The following ANKS1A variants were observed in gnomAD, a reference collection of about 807,000 sequenced individuals.
ANKS1A encodes the protein ankyrin repeat and sterile alpha motif domain containing 1A, also known as ankyrin repeat and SAM domain-containing protein 1A.
In ANKS1A, 55 loss-of-function variants were observed where a neutral mutation model predicts 120.3. The observed-to-expected ratio is 0.46, with a 90% CI of 0.37 to 0.57. The LOEUF is 0.57. Among genes scored for constraint, ANKS1A ranks in the 20% least tolerant of loss-of-function variants. ANKS1A has a pLI of 0.00. For missense variants in ANKS1A, 1,123 were observed against 1,480.3 expected, an observed-to-expected ratio of 0.76 and a Z score of 3.96; for synonymous variants, 590 against 604.7, an observed-to-expected ratio of 0.98 and a Z score of 0.36.
chr6:34,976,912 C>T (rs1771629625), intron 3 of ANKS1A, among the ~76,000 whole-genome samples: 1 of 152,062 alleles, frequency 6.6e-6, no homozygotes, highest in South Asian at 2.1e-4. Context: ...ACCTAAATCT[C>T]CTAAGAACAA....
chr6:34,914,248 A>G (rs1768049931), intron 1 of ANKS1A, among the ~76,000 whole-genome samples: 3 of 152,238 alleles, frequency 2.0e-5, no homozygotes. Flanking sequence ...AAATTGATCA[A>G]TCAGGAAGCA....
At position 35,050,727 on chromosome 6, in the gene ANKS1A, C is replaced by T. The variant is rs1183543479; in HGVS notation, c.2011-3372C>T. On this transcript the variant is annotated intron_variant, in intron 11 of 23. Coordinates refer to ENST00000360359, the MANE Select transcript of ANKS1A (RefSeq NM_015245.3). This position sits in a 1 kb window ranked among gnomAD's most constrained non-coding sequence, Gnocchi z 4.3. ...TCAGGCTGAGGGCTTGGGCAGACCA[C>T]AGCTCCAGACACTCTGTGGTGCCAG... Among the ~76,000 whole-genome samples the T allele has an allele frequency of 6.6e-6, 1 of 152,210 alleles. No homozygotes were observed. The highest frequency in any genetic ancestry group is 1.5e-5 in the Non-Finnish European group (1 of 68,024).
At chr6:34,949,543 T>C (rs1769966370) in intron 1 of ANKS1A, among the ~76,000 whole-genome samples, 2 of 152,234 alleles carry the variant, frequency 1.3e-5, no homozygotes, top group African/African-American at 4.8e-5. Flanking sequence ...TTTTGGAGGT[T>C]ATTTCAAGAG....
At chr6:35,020,441 C>A (rs1774275264) in intron 11 of ANKS1A, among the ~76,000 whole-genome samples, 1 of 152,142 alleles carries the variant, frequency 6.6e-6, no homozygotes, top group Non-Finnish European at 1.5e-5. Flanking sequence ...GTTCTGGAAC[C>A]AATCCCTAGT....
At chr6:35,008,191 A>C (rs1773559426) in intron 10 of ANKS1A, among the ~76,000 whole-genome samples, 1 of 151,728 alleles carries the variant, frequency 6.6e-6, no homozygotes, top group Non-Finnish European at 1.5e-5. Context: ...ATTAAGCCTT[A>C]ACTTCAGCAG....
rs1776977963 is a variant in ANKS1A, at chr6:35,069,685, T to C, written c.2185-8873T>C. On this transcript the variant is annotated intron_variant, in intron 13 of 23. Transcript: ENST00000360359. The stretch of plus-strand genomic sequence containing the variant: ...TCTCCCAAATAGCTGGAACTACAGG[T>C]ACACACCACCCTACCTGGCTAATAT... 2.7e-5 allele frequency among the ~76,000 whole-genome samples: 4 copies of C among 150,332 alleles called. No individual in the cohort carries two copies. The Admixed American group carries it at 2.7e-4, about 10-fold the overall frequency.
Position 35,091,313 on chromosome 6 carries a change from T to C in ANKS1A, c.*2704T>C, listed in dbSNP as rs913396841. The C allele has an allele frequency of 3.9e-5, 38 of 985,678 alleles. No individual in the cohort carries two copies. In the African/African-American group the frequency reaches 6.1e-4, roughly 16 times the overall value. 61.1% of individuals were successfully genotyped at this position (985,678 alleles called of 1,614,324 possible). ...ACCTCAGTACCCAAGAGAGTGTAAA[T>C]ATTTCTGGGCTTCCAGCTTTGGTTT... is the stretch of plus-strand genomic sequence containing the variant. On this transcript the variant is annotated 3_prime_UTR_variant, in exon 24 of 24. Coordinates refer to ENST00000360359, the MANE Select transcript of ANKS1A (RefSeq NM_015245.3).
At chr6:35,065,190 C>T (rs1314324740) in intron 13 of ANKS1A, among the ~76,000 whole-genome samples, 2 of 151,558 alleles carry the variant, frequency 1.3e-5, no homozygotes, top group Non-Finnish European at 2.9e-5. Flanking sequence ...GGCCTATTTC[C>T]AGCGAGTGCA....
intron 13 of ANKS1A, chr6:35,071,023 G>T: frequency 2.0e-6 from 1 of 502,178 alleles, no homozygotes; most frequent in Middle Eastern, 6.5e-4. Flanking sequence ...GTTTCTTGTT[G>T]TCATCAACCT....
intron 13 of ANKS1A, chr6:35,071,196 C>T (rs901986737): frequency 8.4e-6 from 2 of 237,386 alleles, no homozygotes; most frequent in Non-Finnish European, 1.6e-5. Context: ...CCAGACTGAA[C>T]CAGTGCATAC....
At chr6:34,989,165 CA>C in intron 8 of ANKS1A, 58 bp from the exon 9 acceptor site, 1 of 1,567,130 alleles carries the variant, frequency 6.4e-7, no homozygotes, top group Non-Finnish European at 8.7e-7. Flanking sequence ...GAGGGCAAAC[CA>C]AAAAATTAGA....
At chr6:34,906,291 T>C (rs1767643769) in intron 1 of ANKS1A, among the ~76,000 whole-genome samples, 1 of 152,214 alleles carries the variant, frequency 6.6e-6, no homozygotes, top group Non-Finnish European at 1.5e-5. Flanking sequence ...TGCCAGGAAC[T>C]GTGCAAGGCC....
At chr6:34,957,066 C>T (rs771186433) in intron 1 of ANKS1A, among the ~76,000 whole-genome samples, 11 of 152,226 alleles carry the variant, frequency 7.2e-5, no homozygotes, top group Non-Finnish European at 1.3e-4. Context: ...ACTTTTTTCT[C>T]AGCTCTACTA....
Position 35,086,466 on chromosome 6 carries a change from CT to C in ANKS1A, c.3304-483del. 1.2e-6 allele frequency: 1 copy of C among 809,514 alleles called. No homozygotes were observed. 50.1% of individuals were successfully genotyped at this position (809,514 alleles called of 1,614,324 possible). A position where few individuals can be genotyped will look rare whatever the true frequency, so the allele number is the denominator to read the frequency against. Reference sequence around the variant, plus strand: ...CCTCTCCCTCTGCCTGTGTGACATTCTTTCCCCTCTTCCTGAGATGCCCTCT... The same window carrying C: ...CCTCTCCCTCTGCCTGTGTGACATTCTTCCCCTCTTCCTGAGATGCCCTCT... On this transcript the variant is annotated intron_variant, in intron 22 of 23. Coordinates refer to ENST00000360359, the MANE Select transcript of ANKS1A (RefSeq NM_015245.3). This position sits in a 1 kb window ranked among gnomAD's most constrained non-coding sequence, Gnocchi z 5.1.
At chr6:34,915,502 G>A (rs990082405) in intron 1 of ANKS1A, among the ~76,000 whole-genome samples, 8 of 151,952 alleles carry the variant, frequency 5.3e-5, no homozygotes, top group East Asian at 1.9e-4. Flanking sequence ...GAGTACCACC[G>A]CACTCGACTA....
chr6:35,060,243 T>G lies in ANKS1A; in HGVS notation c.2174T>G (p.Val725Gly), dbSNP rs1776432084. Reference sequence around the variant, plus strand: ...TTGCTTCTGAATGGCTTTGACGATGTCCACTTCCTGGTAAGTGGCTGCAGG... The same window carrying G: ...TTGCTTCTGAATGGCTTTGACGATGGCCACTTCCTGGTAAGTGGCTGCAGG... Reference protein sequence around the residue: ...SKLLLNGFDDVHFLGSNVMEE... With the variant: ...SKLLLNGFDDGHFLGSNVMEE... Residue 725 changes from valine to glycine, a missense_variant, in exon 13 of 24, where the codon GTC becomes GGC. By Grantham distance (109) the Val-to-Gly change is moderately radical. Around this residue, in one of 3 missense-constraint regions of ANKS1A, gnomAD observed 904 missense variants for 1,130.4 expected, o/e 0.80. Transcript: ENST00000360359. This position sits in a 1 kb window ranked among gnomAD's most constrained non-coding sequence, Gnocchi z 4.5. The G allele has an allele frequency of 6.2e-7, 1 of 1,611,358 alleles. No individual in the cohort carries two copies.
At chr6:34,961,680 T>A (rs749543452) in intron 1 of ANKS1A, among the ~76,000 whole-genome samples, 28 of 152,180 alleles carry the variant, frequency 1.8e-4, no homozygotes, top group Admixed American at 3.9e-4. Flanking sequence ...TAAATCTTAG[T>A]TTCAGGGCTC....
chr6:34,937,291 C>T (rs902082188), intron 1 of ANKS1A, among the ~76,000 whole-genome samples: 2 of 151,132 alleles, frequency 1.3e-5, no homozygotes, highest in African/African-American at 2.4e-5. Context: ...TGCAACATTG[C>T]GAGACCTCAT....
At chr6:34,909,810 T>C (rs2127456058) in intron 1 of ANKS1A, among the ~76,000 whole-genome samples, 1 of 151,972 alleles carries the variant, frequency 6.6e-6, no homozygotes, top group South Asian at 2.1e-4. Context: ...CTAAAAGGAG[T>C]TGTACAGACA....
Sources: allele counts gnomAD v4.1 joint callset (sites outside exome capture counted in the v4.1 genomes callset), GRCh38; gene constraint gnomAD v4.1.1; regional missense constraint gnomAD v4.1.1; non-coding constraint Gnocchi (gnomAD v3.1); transcripts MANE v1.5; gene names NCBI Gene and HGNC (gene_info 2026-07-23, HGNC 2026-07-21).